The following ISM2 variants were observed in gnomAD, a reference collection of about 807,000 sequenced individuals.
ISM2 encodes the protein isthmin 2, also known as isthmin-2.
A neutral mutation model predicts 58.0 loss-of-function variants in ISM2; 50 were observed. The observed-to-expected ratio is 0.86, with a 90% confidence interval of 0.69 to 1.09. ISM2 has a LOEUF of 1.09. Ranked by LOEUF, ISM2 falls within the 50% of genes least tolerant of loss-of-function variation. The probability of loss-of-function intolerance (pLI) is 0.00; values close to 1 mark genes in which losing one functional copy is unlikely to be tolerated. For missense variants in ISM2, 723 were observed against 745.0 expected, an observed-to-expected ratio of 0.97 and a Z score of 0.34; for synonymous variants, 303 against 312.4, an observed-to-expected ratio of 0.97 and a Z score of 0.32.
At chr14:77,491,862 A>G (rs1314385215) in intron 1 of ISM2, among the ~76,000 whole-genome samples, 1 of 148,582 alleles carries the variant, frequency 6.7e-6, no homozygotes, top group Non-Finnish European at 1.5e-5. Flanking sequence ...AGCCCTGCTA[A>G]TTTTTGTATT....
chr14:77,477,186 A>T lies in ISM2; in HGVS notation c.1198+1056T>A, dbSNP rs1026415573. 7.2e-5 allele frequency among the ~76,000 whole-genome samples: 11 copies of T among 152,150 alleles called. 1 individual carries two copies. The South Asian group carries it at 1.2e-3, about 17-fold the overall frequency. ...TCACCAGGGAACAGCAGAAAGAAGA[A>T]AAATGGCCTTGGGCGGCTGGCCACG... is the stretch of plus-strand genomic sequence containing the variant. On this transcript the variant is annotated intron_variant, in intron 6 of 6. Coordinates refer to ENST00000342219, the MANE Select transcript of ISM2 (RefSeq NM_199296.3).
intron 1 of ISM2, among the ~76,000 whole-genome samples, chr14:77,494,917 T>C (rs1434524204): frequency 6.6e-6 from 1 of 152,120 alleles, no homozygotes; most frequent in Non-Finnish European, 1.5e-5. Context: ...AGGGTCTCGC[T>C]TTGTCACCCA....
Position 77,498,779 on chromosome 14 carries a change from G to A in ISM2, c.15C>T (p.Arg5=), listed in dbSNP as rs1221411974. 2.1e-6 allele frequency: 3 copies of A among 1,455,708 alleles called. No individual in the cohort carries two copies. Among genetic ancestry groups the A allele is most frequent in the South Asian group, 1.3e-5 (1 of 74,804 alleles). The allele number at this position is 1,455,708 out of a possible 1,614,324, so 90.2% of individuals were successfully genotyped here. A position where few individuals can be genotyped will look rare whatever the true frequency, so the allele number is the denominator to read the frequency against. ...CGCAGAGGAGGAGCCCGGCTCGGTC[G>A]CGGAGCGCACGCATCGTCTCGGTTC... is the stretch of plus-strand genomic sequence containing the variant. MRAL[R]DRAGLLLCVL... The change falls in exon 1 of 7, where the codon CGC becomes CGT. Residue 5 remains arginine (R), a synonymous_variant. Transcript: ENST00000342219.
At chr14:77,481,056 A>G (rs1166367713) in intron 4 of ISM2, among the ~76,000 whole-genome samples, 5 of 151,660 alleles carry the variant, frequency 3.3e-5, no homozygotes, top group Admixed American at 3.3e-4. Context: ...AATCATCATC[A>G]TGGCCGGGCA....
intron 1 of ISM2, among the ~76,000 whole-genome samples, chr14:77,486,363 G>A (rs1198715751): frequency 6.6e-6 from 1 of 152,144 alleles, no homozygotes; most frequent in African/African-American, 2.4e-5. Context: ...CTGGCTCCAG[G>A]GCTCCTGCAC....
At chr14:77,498,604 G>T in intron 1 of ISM2, 49 bp downstream of exon 1, 1 of 1,403,570 alleles carries the variant, frequency 7.1e-7, no homozygotes. Flanking sequence ...GCGGGCTGGG[G>T]AGGTGGGACC....
At position 77,482,413 on chromosome 14, in the gene ISM2, C is replaced by A. The variant is rs372119560; in HGVS notation, c.882G>T (p.Glu294Asp). ...TAGTTCCATTGAACCAGAGCGCCTG[C>A]TCTTCCTCATCTTCCTCTTTGTCCT... is the stretch of plus-strand genomic sequence containing the variant. ...DQEDKEEDEEEQALWFNGTTD... is the reference protein window; with the variant it reads ...DQEDKEEDEEDQALWFNGTTD... The change falls in exon 4 of 7, where the codon GAG becomes GAT. Residue 294 changes from glutamate (E) to aspartate (D), a missense_variant. Physicochemically the swap from Glu to Asp is conservative, Grantham distance 45. Coordinates refer to ENST00000342219, the MANE Select transcript of ISM2 (RefSeq NM_199296.3). 1 of 1,614,230 alleles carries A rather than the reference C, an allele frequency of 6.2e-7. No individual in the cohort carries two copies. Among genetic ancestry groups the A allele is most frequent in the African/African-American group, 1.3e-5 (1 of 75,060 alleles).
chr14:77,486,294 CAG>C (rs2079167417), intron 1 of ISM2, among the ~76,000 whole-genome samples: 1 of 152,120 alleles, frequency 6.6e-6, no homozygotes, highest in South Asian at 2.1e-4. Flanking sequence ...AGTTTGGAAA[CAG>C]ATTCAGAATC....
intron 1 of ISM2, among the ~76,000 whole-genome samples, chr14:77,489,001 T>TA (rs2079184664): frequency 6.6e-6 from 1 of 152,114 alleles, no homozygotes; most frequent in African/African-American, 2.4e-5. Flanking sequence ...ACTGCCCAAA[T>TA]AGAGATACAT....
rs780392256 is a variant in ISM2, at chr14:77,476,001, G to T, written c.1310C>A (p.Ala437Asp). The T allele has an allele frequency of 8.8e-6, 14 of 1,587,332 alleles. No individual in the cohort carries two copies. Among genetic ancestry groups the T allele is most frequent in the African/African-American group, 5.4e-5 (4 of 74,716 alleles). ...PSCPCAYPLE[A>D]MDSPVSLQDE... is the part of the protein sequence containing the mutation. Reference sequence around the variant, plus strand: ...CTGTAGGCTCACAGGGCTGTCCATGGCCTCCAGTGGGTAGGCACACGGGCA... The same window carrying T: ...CTGTAGGCTCACAGGGCTGTCCATGTCCTCCAGTGGGTAGGCACACGGGCA... The change falls in exon 7 of 7, where the codon GCC becomes GAC. Residue 437 changes from alanine to aspartate, a missense_variant. Physicochemically the swap from Ala to Asp is moderately radical, Grantham distance 126. Transcript: ENST00000342219.
At position 77,482,435 on chromosome 14, in the gene ISM2, T is replaced by C; in HGVS notation, c.860A>G (p.Asp287Gly). 1 of 1,614,190 alleles carries C rather than the reference T, an allele frequency of 6.2e-7. No homozygotes were observed. Residue 287 changes from aspartate to glycine, a missense_variant, in exon 4 of 7, where the codon GAC (aspartate) becomes GGC (glycine). By Grantham distance (94) the Asp-to-Gly change is moderately conservative. Transcript: ENST00000342219. ...CTGCTCTTCCTCATCTTCCTCTTTG[T>C]CCTCTTGATCCTCACCCTCGATATC... ...SEDIEGEDQE[D>G]KEEDEEEQAL... is the part of the protein sequence containing the mutation.
Position 77,482,659 on chromosome 14 carries a change from G to A in ISM2, c.636C>T (p.Ile212=). ...STPNPDNQVT[I]KVVEDPQAEV... ...CGGCCTGGGGGTCCTCCACCACCTT[G>A]ATGGTCACCTGCAGGAGACAGGCCA... The change falls in exon 4 of 7, where the codon ATC becomes ATT. Residue 212 remains isoleucine (I), a synonymous_variant. Transcript: ENST00000342219. The A allele has an allele frequency of 6.5e-7, 1 of 1,544,830 alleles. No individual in the cohort carries two copies. The highest frequency in any genetic ancestry group is 1.9e-5 in the Admixed American group (1 of 51,318).
At position 77,498,625 on chromosome 14, in the gene ISM2, T is replaced by G. The variant is rs2139978849; in HGVS notation, c.141+28A>C. 5 of 1,413,502 alleles carry G rather than the reference T, an allele frequency of 3.5e-6. No individual in the cohort carries two copies. In the South Asian group the frequency reaches 5.9e-5, roughly 17 times the overall value. 87.6% of individuals were successfully genotyped at this position (1,413,502 alleles called of 1,614,324 possible). A position where few individuals can be genotyped will look rare whatever the true frequency, so the allele number is the denominator to read the frequency against. ...TGGGGAGGTGGGACCGACAGCGCGC[T>G]CCGCAGCCCGGTGCCGCCGCCACTC... On this transcript the variant is annotated intron_variant, in intron 1 of 6. Transcript: ENST00000342219.
At chr14:77,491,396 A>T (rs1310972101) in intron 1 of ISM2, among the ~76,000 whole-genome samples, 1 of 152,130 alleles carries the variant, frequency 6.6e-6, no homozygotes, top group African/African-American at 2.4e-5. Flanking sequence ...TTATTTATTT[A>T]TTTTTAAATA....
chr14:77,480,739 G>A (rs914529164), intron 4 of ISM2, among the ~76,000 whole-genome samples: 1 of 151,460 alleles, frequency 6.6e-6, no homozygotes, highest in Non-Finnish European at 1.5e-5. Flanking sequence ...TGTGTTTTTT[G>A]TAGAGACAGG....
At chr14:77,488,977 T>G (rs2079184446) in intron 1 of ISM2, among the ~76,000 whole-genome samples, 1 of 152,158 alleles carries the variant, frequency 6.6e-6, no homozygotes, top group Admixed American at 6.6e-5. Context: ...GCCATTCTTT[T>G]GGGGGGTGGT....
chr14:77,484,041 T>C, intron 3 of ISM2: 1 of 317,540 alleles, frequency 3.1e-6, no homozygotes, highest in East Asian at 6.2e-5. Flanking sequence ...TCACTGGTGC[T>C]CACATAGCCC....
rs1442125957 is a variant in ISM2, at chr14:77,498,670, G to A, written c.124C>T (p.Leu42Phe). 1 of 1,473,664 alleles carries A rather than the reference G, an allele frequency of 6.8e-7. No individual in the cohort carries two copies. The highest frequency in any genetic ancestry group is 2.4e-5 in the Admixed American group (1 of 42,280). 91.3% of individuals were successfully genotyped at this position (1,473,664 alleles called of 1,614,324 possible). ...PRLRGPRPGSLTRLAEVSASP... is the reference protein window; with the variant it reads ...PRLRGPRPGSFTRLAEVSASP... ...CCACTCACCTCTGCGAGCCTCGTGA[G>A]GCTCCCAGGCCGTGGTCCGCGGAGC... The change falls in exon 1 of 7, where the codon CTC (leucine) becomes TTC (phenylalanine). Residue 42 changes from leucine (L) to phenylalanine (F), a missense_variant. Physicochemically the swap from Leu to Phe is conservative, Grantham distance 22 (BLOSUM62 0). Transcript: ENST00000342219.
Position 77,489,965 on chromosome 14 carries a change from G to A in ISM2, c.142-5046C>T, listed in dbSNP as rs545498968. Among the ~76,000 whole-genome samples the A allele has an allele frequency of 2.3e-3, 352 of 152,296 alleles. 2 individuals are homozygous for A. The highest frequency in any genetic ancestry group is 8.0e-3 in the African/African-American group (332 of 41,564). ...TGCAAGCTAAGCCTCCCGGGTTCAC[G>A]CTATTCTCCTGCCTCAGCCTCCCAA... On this transcript the variant is annotated intron_variant, in intron 1 of 6. Transcript: ENST00000342219.
Sources: allele counts gnomAD v4.1 joint callset (sites outside exome capture counted in the v4.1 genomes callset), GRCh38; gene constraint gnomAD v4.1.1; transcripts MANE v1.5; gene names NCBI Gene and HGNC (gene_info 2026-07-23, HGNC 2026-07-21).